FAM83B: variants seen among roughly 807,000 people sequenced by gnomAD.
The protein encoded by FAM83B is scaffolding CK1 anchoring protein B.
A neutral mutation model predicts 38.8 loss-of-function variants in FAM83B; 26 were observed. The observed-to-expected ratio is 0.67, with a 90% CI of 0.49 to 0.93. The LOEUF (loss-of-function observed/expected upper bound fraction) is 0.93, where lower values mean the gene tolerates loss of function less well. FAM83B is among the 40% of genes least tolerant of loss of function. The pLI is 0.00. For missense variants in FAM83B, 1,237 were observed against 1,197.3 expected (o/e 1.03, Z -0.49); for synonymous variants, 419 against 423.1 (o/e 0.99, Z 0.12).
At chr6:54,846,398 T>C (rs1205592096), upstream of FAM83B, among the ~76,000 whole-genome samples, 1 of 152,300 alleles carries the variant, frequency 6.6e-6, no homozygotes, top group Non-Finnish European at 1.5e-5. Flanking sequence ...ATCCGCCTTC[T>C]TCCCAGGTGA....
At chr6:54,851,824 T>G (rs1771302445) in intron 1 of FAM83B, among the ~76,000 whole-genome samples, 1 of 151,240 alleles carries the variant, frequency 6.6e-6, no homozygotes, top group African/African-American at 2.4e-5. Flanking sequence ...ATTTTTTGTA[T>G]TTTTAGTAGA....
intron 2 of FAM83B, among the ~76,000 whole-genome samples, chr6:54,885,414 A>AT (rs1279252184): frequency 2.0e-5 from 3 of 151,058 alleles, no homozygotes; most frequent in African/African-American, 7.3e-5. Context: ...TTTTGTCTTA[A>AT]TTTTTTCTTT....
In FAM83B at chr6:54,941,627, G is replaced by T; in HGVS notation, c.2656G>T (p.Ala886Ser). The change falls in exon 5 of 5, where the codon GCC (alanine) becomes TCC (serine). Residue 886 changes from alanine to serine, a missense_variant. Transcript: ENST00000306858. ...KFLERAGDASAPRFNTEQIQY... is the reference protein window; with the variant it reads ...KFLERAGDASSPRFNTEQIQY... Reference sequence around the variant, plus strand: ...CTTGGAAAGGGCAGGAGATGCCTCTGCCCCAAGATTTAACACTGAACAGAT... The same window carrying T: ...CTTGGAAAGGGCAGGAGATGCCTCTTCCCCAAGATTTAACACTGAACAGAT... 6.2e-7 allele frequency: 1 copy of T among 1,614,058 alleles called. No homozygotes were observed. Among genetic ancestry groups the T allele is most frequent in the Non-Finnish European group, 8.5e-7 (1 of 1,180,016 alleles).
At chr6:54,889,016 TC>T (rs1772343265) in intron 2 of FAM83B, among the ~76,000 whole-genome samples, 1 of 152,120 alleles carries the variant, frequency 6.6e-6, no homozygotes, top group Admixed American at 6.6e-5. Flanking sequence ...CAATCACTAA[TC>T]CTCTCTGCAG....
chr6:54,898,861 A>G (rs1425731150), intron 2 of FAM83B, among the ~76,000 whole-genome samples: 1 of 152,110 alleles, frequency 6.6e-6, no homozygotes, highest in Non-Finnish European at 1.5e-5. Flanking sequence ...GGAACTTTTT[A>G]ACTTACTGGT....
At chr6:54,901,701 T>C (rs1274917273) in intron 2 of FAM83B, among the ~76,000 whole-genome samples, 1 of 152,214 alleles carries the variant, frequency 6.6e-6, no homozygotes, top group East Asian at 1.9e-4. Flanking sequence ...AGCTCTTTCT[T>C]GCAATGACCT....
chr6:54,854,251 A>G (rs1165964967), intron 1 of FAM83B, among the ~76,000 whole-genome samples: 1 of 152,226 alleles, frequency 6.6e-6, no homozygotes, highest in Non-Finnish European at 1.5e-5. Context: ...TTAGAATATT[A>G]TAAAAACTTA....
Position 54,941,663 on chromosome 6 carries a change from G to A in FAM83B, c.2692G>A (p.Asp898Asn). 6.2e-7 allele frequency: 1 copy of A among 1,614,072 alleles called. No individual in the cohort carries two copies. Residue 898 changes from aspartate to asparagine, a missense_variant, in exon 5 of 5, where the codon GAT becomes AAT. Physicochemically the swap from Asp to Asn is conservative, Grantham distance 23. Coordinates refer to ENST00000306858, the MANE Select transcript of FAM83B (RefSeq NM_001010872.3). ...TAACACTGAACAGATCCAATACCGA[G>A]ATTCAAGGGAGATTAATGCAGTTGT... ...RFNTEQIQYR[D>N]SREINAVVTP...
chr6:54,883,574 G>C, intron 2 of FAM83B, among the ~76,000 whole-genome samples: 1 of 151,416 alleles, frequency 6.6e-6, no homozygotes. Flanking sequence ...AACCTCAGGT[G>C]ATCTGCCCTC....
chr6:54,914,353 T>G lies in FAM83B; in HGVS notation c.445-12018T>G, dbSNP rs570518918. The stretch of plus-strand genomic sequence containing the variant: ...ATGACATAATAAAAAATAACCTATT[T>G]ATTTTTATATTGAACCTAGCACTTA... On this transcript the variant is annotated intron_variant, in intron 2 of 4. Transcript: ENST00000306858. 9.2e-5 allele frequency among the ~76,000 whole-genome samples: 14 copies of G among 152,316 alleles called. 3 individuals carry two copies. The highest frequency in any genetic ancestry group is 3.4e-4 in the African/African-American group (14 of 41,566).
In FAM83B at chr6:54,941,569, A is replaced by G; in HGVS notation, c.2598A>G (p.Arg866=). The G allele has an allele frequency of 6.2e-7, 1 of 1,614,082 alleles. No individual in the cohort carries two copies. Among genetic ancestry groups the G allele is most frequent in the East Asian group, 2.2e-5 (1 of 44,878 alleles). ...EINAPPDENK[R]TPSPGPVESK... ...ATGCTCCACCAGATGAAAATAAAAG[A>G]ACACCTTCTCCAGGTCCAGTTGAAA... The change falls in exon 5 of 5, where the codon AGA becomes AGG. Residue 866 remains arginine, a synonymous_variant. Transcript: ENST00000306858.
chr6:54,877,704 C>T (rs1224938265), intron 2 of FAM83B, among the ~76,000 whole-genome samples: 2 of 152,176 alleles, frequency 1.3e-5, no homozygotes, highest in African/African-American at 4.8e-5. Context: ...TTAAGTTGAC[C>T]TTCATAGTAA....
At chr6:54,870,087 T>C in intron 1 of FAM83B, 100 bp from the exon 2 acceptor site, 1 of 591,804 alleles carries the variant, frequency 1.7e-6, no homozygotes, top group South Asian at 2.3e-5. Context: ...CTTCTGGTAA[T>C]GGAAATGTGT....
intron 1 of FAM83B, among the ~76,000 whole-genome samples, chr6:54,864,844 C>T (rs1478905335): frequency 6.6e-6 from 1 of 152,092 alleles, no homozygotes; most frequent in African/African-American, 2.4e-5. Flanking sequence ...TGTAGACAGA[C>T]ATTTTGATAC....
chr6:54,917,542 T>TA (rs1554148761), intron 2 of FAM83B, among the ~76,000 whole-genome samples: 1 of 152,076 alleles, frequency 6.6e-6, no homozygotes, highest in Non-Finnish European at 1.5e-5. Context: ...GAGAAAAATT[T>TA]AAAAAAATAT....
chr6:54,918,357 T>C (rs908266068), intron 2 of FAM83B, among the ~76,000 whole-genome samples: 3 of 152,132 alleles, frequency 2.0e-5, no homozygotes, highest in Admixed American at 6.6e-5. Flanking sequence ...ACATCTTTAT[T>C]TTAAAGAACA....
chr6:54,872,407 A>G (rs1464746032), intron 2 of FAM83B, among the ~76,000 whole-genome samples: 1 of 152,198 alleles, frequency 6.6e-6, no homozygotes, highest in Non-Finnish European at 1.5e-5. Flanking sequence ...ATCAAGTATT[A>G]ATGTTTGCTG....
At chr6:54,876,262 A>G (rs1401258076) in intron 2 of FAM83B, among the ~76,000 whole-genome samples, 2 of 141,554 alleles carry the variant, frequency 1.4e-5, no homozygotes, top group East Asian at 2.0e-4. Context: ...TTTAAAATGC[A>G]AGTTATTTAG....
chr6:54,937,787 G>A (rs577266212), intron 4 of FAM83B, among the ~76,000 whole-genome samples: 64 of 152,194 alleles, frequency 4.2e-4, no homozygotes, highest in South Asian at 2.1e-3. Context: ...TGCCAAGATG[G>A]TATATATAAA....
Sources: gnomAD v4.1 joint callset for allele counts (sites outside exome capture counted in the v4.1 genomes callset) on GRCh38, gnomAD v4.1.1 for gene constraint, MANE v1.5 for transcripts, NCBI Gene and HGNC (gene_info 2026-07-23, HGNC 2026-07-21) for gene names.